The following SPECC1 variants were observed in gnomAD, a reference collection of about 807,000 sequenced individuals.
SPECC1 encodes the protein cytospin-B.
In SPECC1, 62 loss-of-function variants were observed where a neutral mutation model predicts 104.1. That is an observed-to-expected ratio of 0.60 (90% confidence interval 0.49 to 0.74). The LOEUF is 0.74. Among genes scored for constraint, SPECC1 ranks in the 30% least tolerant of loss-of-function variants. SPECC1 has a pLI of 0.00. For synonymous variants in SPECC1, 513 were observed against 501.6 expected (o/e 1.02, Z -0.30); for missense variants, 1,306 against 1,310.5 (o/e 1.00, Z 0.05).
chr17:20,039,844 A>G (rs2045252524), intron 1 of SPECC1, among the ~76,000 whole-genome samples: 1 of 152,180 alleles, frequency 6.6e-6, no homozygotes, highest in African/African-American at 2.4e-5. Context: ...AGTGTGAGTC[A>G]CTGCACTCAG....
At position 20,156,063 on chromosome 17, in the gene SPECC1, G is replaced by T; in HGVS notation, c.283+45501G>T. 4 of 1,300,268 alleles carry T rather than the reference G, an allele frequency of 3.1e-6. No individual in the cohort carries two copies. In the East Asian group the frequency reaches 1.3e-4, roughly 41 times the overall value. The allele number at this position is 1,300,268 out of a possible 1,614,324, so 80.5% of individuals were successfully genotyped here. A position where few individuals can be genotyped will look rare whatever the true frequency, so the allele number is the denominator to read the frequency against. On this transcript the variant is annotated intron_variant, in intron 3 of 14. Transcript: ENST00000395527. Reference sequence around the variant, plus strand: ...GCCGGCAGCTGCTGGGAACTGGAAGGCGCCCGGTCCTTTCTTTGACTGGAG... The same window carrying T: ...GCCGGCAGCTGCTGGGAACTGGAAGTCGCCCGGTCCTTTCTTTGACTGGAG...
chr17:20,184,264 A>T (rs1268541774), intron 3 of SPECC1, among the ~76,000 whole-genome samples: 3 of 151,964 alleles, frequency 2.0e-5, no homozygotes, highest in Non-Finnish European at 4.4e-5. Context: ...TGAAGCTATG[A>T]CCAGGATGTA....
intron 14 of SPECC1, 21 bp downstream of exon 14, chr17:20,306,103 C>A: frequency 6.2e-7 from 1 of 1,604,536 alleles, no homozygotes; most frequent in Non-Finnish European, 8.5e-7. Context: ...TATTTTGTAT[C>A]CTTGTGATAC....
intron 14 of SPECC1, among the ~76,000 whole-genome samples, chr17:20,306,763 G>T (rs890815640): frequency 2.6e-5 from 4 of 152,242 alleles, no homozygotes; most frequent in Non-Finnish European, 4.4e-5. Flanking sequence ...TATCTGTGCT[G>T]CATGAAGCCC....
At position 20,162,134 on chromosome 17, in the gene SPECC1, A is replaced by G. The variant is rs2033213944; in HGVS notation, c.284-42199A>G. Reference sequence around the variant, plus strand: ...TTCTGCCCTCAGACTTCGGGCAAATAATTTTTTATTTTTTTATATATATAT... The same window carrying G: ...TTCTGCCCTCAGACTTCGGGCAAATGATTTTTTATTTTTTTATATATATAT... On this transcript the variant is annotated intron_variant, in intron 3 of 14. Transcript: ENST00000395527. Among the ~76,000 whole-genome samples the G allele has an allele frequency of 4.0e-5, 6 of 148,612 alleles. No homozygotes were observed. In the Admixed American group the frequency reaches 4.0e-4, roughly 10 times the overall value.
At chr17:20,046,757 C>T (rs1356376999) in intron 1 of SPECC1, among the ~76,000 whole-genome samples, 1 of 151,826 alleles carries the variant, frequency 6.6e-6, no homozygotes, top group East Asian at 1.9e-4. Context: ...GAGGAGGCGG[C>T]CAGAGCCAAG....
chr17:20,260,543 T>A (rs183952734), intron 12 of SPECC1, among the ~76,000 whole-genome samples: 1 of 152,232 alleles, frequency 6.6e-6, no homozygotes, highest in Admixed American at 6.5e-5. Flanking sequence ...CACGCAGAGC[T>A]GCACCTCCCG....
At chr17:20,164,229 A>G (rs1219763224) in intron 3 of SPECC1, among the ~76,000 whole-genome samples, 2 of 149,092 alleles carry the variant, frequency 1.3e-5, no homozygotes, top group African/African-American at 2.5e-5. Context: ...GCTGGAGTGC[A>G]GTGGTGCGAT....
At chr17:20,106,323 G>T (rs1321593821) in intron 2 of SPECC1, among the ~76,000 whole-genome samples, 1 of 152,154 alleles carries the variant, frequency 6.6e-6, no homozygotes, top group East Asian at 1.9e-4. Context: ...TATTATACAG[G>T]TGACCTGATG....
intron 3 of SPECC1, chr17:20,156,137 C>T (rs957217837): frequency 1.4e-6 from 2 of 1,398,134 alleles, no homozygotes; most frequent in Non-Finnish European, 1.9e-6. Flanking sequence ...AGCGCGAGCT[C>T]GGCACGGTGG....
chr17:20,075,646 G>C (rs1234502251), intron 1 of SPECC1, among the ~76,000 whole-genome samples: 1 of 152,024 alleles, frequency 6.6e-6, no homozygotes, highest in Admixed American at 6.6e-5. Context: ...CCAAAATTTT[G>C]TAAAAAAATT....
At position 20,079,073 on chromosome 17, in the gene SPECC1, A is replaced by G. The variant is rs189089258; in HGVS notation, c.-21-17558A>G. ...GAACAAGAATTTGGTGGCAGTATTT[A>G]AAGATGCTTAAAGGTCTTAACTTAT... On this transcript the variant is annotated intron_variant, in intron 1 of 14. Coordinates refer to ENST00000395527, the MANE Select transcript of SPECC1 (RefSeq NM_001243439.2). 2.1e-4 allele frequency among the ~76,000 whole-genome samples: 32 copies of G among 152,338 alleles called. No homozygotes were observed. The East Asian group carries it at 6.2e-3, about 29-fold the overall frequency.
chr17:20,282,958 T>G (rs572856503), intron 12 of SPECC1, among the ~76,000 whole-genome samples: 6 of 152,158 alleles, frequency 3.9e-5, no homozygotes, highest in Admixed American at 3.9e-4. Context: ...GCAGGAGGAT[T>G]GCTTGACCTC....
At chr17:20,199,797 T>C (rs2151321763) in intron 3 of SPECC1, among the ~76,000 whole-genome samples, 1 of 152,168 alleles carries the variant, frequency 6.6e-6, no homozygotes, top group East Asian at 1.9e-4. Flanking sequence ...TCTTATTTTA[T>C]TTTATTTTTT....
intron 3 of SPECC1, among the ~76,000 whole-genome samples, chr17:20,131,510 T>C (rs1192169125): frequency 6.6e-6 from 1 of 152,086 alleles, no homozygotes; most frequent in Non-Finnish European, 1.5e-5. Context: ...TTCTGATCTG[T>C]ATGCCTTTTA....
intron 3 of SPECC1, among the ~76,000 whole-genome samples, chr17:20,134,552 C>T (rs2049825933): frequency 6.6e-6 from 1 of 152,100 alleles, no homozygotes; most frequent in Non-Finnish European, 1.5e-5. Flanking sequence ...TAGTTGTTTG[C>T]ATTATCAGAA....
At chr17:20,245,817 C>T (rs1240828197) in intron 7 of SPECC1, 109 bp from the exon 8 acceptor site, 3 of 1,291,618 alleles carry the variant, frequency 2.3e-6, no homozygotes, top group East Asian at 2.4e-5. Context: ...CAGAATTTCC[C>T]TTCCAGCTTC....
At chr17:20,158,795 G>C (rs1351174324) in intron 3 of SPECC1, among the ~76,000 whole-genome samples, 1 of 152,188 alleles carries the variant, frequency 6.6e-6, no homozygotes, top group African/African-American at 2.4e-5. Context: ...AGGTCTGACT[G>C]TCACCTGGGG....
At chr17:20,306,436 C>T (rs898418867) in intron 14 of SPECC1, among the ~76,000 whole-genome samples, 3 of 151,984 alleles carry the variant, frequency 2.0e-5, no homozygotes, top group Non-Finnish European at 4.4e-5. Context: ...ACCCAGATGC[C>T]AGAAATGTAA....
Sources: gnomAD v4.1 joint callset for allele counts (sites outside exome capture counted in the v4.1 genomes callset) on GRCh38, gnomAD v4.1.1 for gene constraint, MANE v1.5 for transcripts, NCBI Gene and HGNC (gene_info 2026-07-23, HGNC 2026-07-21) for gene names.